MMUT: variants seen among roughly 807,000 people sequenced by gnomAD.
The protein encoded by MMUT is methylmalonyl-CoA mutase, also known as methylmalonyl-CoA mutase, mitochondrial.
MMUT carries 79 observed loss-of-function variants against 79.9 expected under a neutral mutation model. The observed-to-expected ratio is 0.99, with a 90% CI of 0.82 to 1.19. The LOEUF (loss-of-function observed/expected upper bound fraction) is 1.19. Ranked by LOEUF, MMUT falls within the 50% of genes most tolerant of loss-of-function variation. The probability of loss-of-function intolerance (pLI) is 0.00; values close to 1 mark genes in which losing one functional copy is unlikely to be tolerated. For missense variants in MMUT, 860 were observed against 917.2 expected, an observed-to-expected ratio of 0.94 and a Z score of 0.81; for synonymous variants, 273 against 295.7, an observed-to-expected ratio of 0.92 and a Z score of 0.79.
At chr6:49,448,498 G>T (rs1767465905) in intron 7 of MMUT, among the ~76,000 whole-genome samples, 1 of 151,938 alleles carries the variant, frequency 6.6e-6, no homozygotes. Flanking sequence ...AGTATTCATT[G>T]AATGAATGAA....
At chr6:49,439,229 C>G (rs1476085664) in intron 11 of MMUT, among the ~76,000 whole-genome samples, 2 of 152,088 alleles carry the variant, frequency 1.3e-5, no homozygotes, top group African/African-American at 4.8e-5. Flanking sequence ...CAGTTCTGGT[C>G]GCATGGTGAC....
At chr6:49,451,793 C>T (rs914705965) in intron 5 of MMUT, 79 bp from the exon 6 acceptor site, 1 of 1,374,704 alleles carries the variant, frequency 7.3e-7, no homozygotes, top group Non-Finnish European at 1.0e-6. Context: ...CATGATTAAA[C>T]AGCAACTGCT....
chr6:49,453,436 C>T, intron 5 of MMUT, 149 bp downstream of exon 5: 1 of 326,880 alleles, frequency 3.1e-6, no homozygotes, highest in Non-Finnish European at 5.4e-6. Flanking sequence ...TAATTACAAA[C>T]CTAAGTATAC....
At chr6:49,448,165 C>CA (rs919759003) in intron 7 of MMUT, among the ~76,000 whole-genome samples, 1 of 151,486 alleles carries the variant, frequency 6.6e-6, no homozygotes, top group African/African-American at 2.4e-5. Flanking sequence ...CACTTTTAAA[C>CA]AAAAAAAGAA....
chr6:49,460,445 G>C (rs1395659644), intron 1 of MMUT, among the ~76,000 whole-genome samples: 3 of 152,194 alleles, frequency 2.0e-5, no homozygotes, highest in African/African-American at 4.8e-5. Context: ...TTCTGTGCTA[G>C]TTTATAAACT....
At chr6:49,432,480 C>T (rs568207118) in intron 12 of MMUT, among the ~76,000 whole-genome samples, 84 of 152,120 alleles carry the variant, frequency 5.5e-4, no homozygotes, top group African/African-American at 1.7e-3. Flanking sequence ...CTCCGCCTCC[C>T]GGGTTCACGC....
intron 9 of MMUT, among the ~76,000 whole-genome samples, chr6:49,442,484 T>A (rs530791832): frequency 1.3e-4 from 20 of 152,210 alleles, no homozygotes; most frequent in Admixed American, 5.2e-4. Flanking sequence ...GACATTAACA[T>A]CTGTAACATC....
intron 7 of MMUT, among the ~76,000 whole-genome samples, chr6:49,448,097 A>C (rs1350966703): frequency 2.6e-5 from 4 of 152,028 alleles, no homozygotes; most frequent in African/African-American, 9.7e-5. Context: ...TCTAAGATTT[A>C]TAAGGTAGAG....
At chr6:49,449,238 T>C (rs1767489802) in intron 6 of MMUT, among the ~76,000 whole-genome samples, 1 of 152,124 alleles carries the variant, frequency 6.6e-6, no homozygotes, top group South Asian at 2.1e-4. Flanking sequence ...CATAATTACA[T>C]AAAGTCTGTA....
chr6:49,443,309 G>A (rs900215907), intron 9 of MMUT, among the ~76,000 whole-genome samples: 1 of 152,120 alleles, frequency 6.6e-6, no homozygotes, highest in African/African-American at 2.4e-5. Context: ...TGGAGGACAT[G>A]CTTATTACCC....
chr6:49,459,376 G>T lies in MMUT; in HGVS notation c.91C>A (p.Arg31=). 1.2e-6 allele frequency: 2 copies of T among 1,613,748 alleles called. No individual in the cohort carries two copies. The highest frequency in any genetic ancestry group is 1.7e-6 in the Non-Finnish European group (2 of 1,179,956). ...AGGGGCTGTTGCTGGTGTAGAAGTC[G>T]TTGCTGTATGAGCCTGGAGCCTGAT... ...ESSGSRLIQQ[R]LLHQQQPLHP... The change falls in exon 2 of 13, where the codon CGA becomes AGA. Residue 31 remains arginine (R), a synonymous_variant. Coordinates refer to ENST00000274813, the MANE Select transcript of MMUT (RefSeq NM_000255.4).
chr6:49,461,562 G>A (rs1383707406), intron 1 of MMUT, among the ~76,000 whole-genome samples: 1 of 150,298 alleles, frequency 6.7e-6, no homozygotes, highest in Non-Finnish European at 1.5e-5. Context: ...TGAGGTCAGG[G>A]GTTCAAGACC....
intron 8 of MMUT, among the ~76,000 whole-genome samples, chr6:49,447,391 G>C (rs1767435018): frequency 6.6e-6 from 1 of 151,638 alleles, no homozygotes; most frequent in African/African-American, 2.4e-5. Flanking sequence ...ATTGTAGTGT[G>C]GTTTTTAATA....
At chr6:49,444,825 C>G in intron 8 of MMUT, 71 bp from the exon 9 acceptor site, 1 of 1,197,894 alleles carries the variant, frequency 8.3e-7, no homozygotes, top group African/African-American at 1.5e-5. Context: ...GAGATTAGAC[C>G]CTGATGCATA....
At chr6:49,462,651 T>A (rs1767884252) in intron 1 of MMUT, among the ~76,000 whole-genome samples, 1 of 152,168 alleles carries the variant, frequency 6.6e-6, no homozygotes, top group Admixed American at 6.5e-5. Context: ...ACACTCTTAA[T>A]CCTGTTTACA....
chr6:49,458,132 A>G, intron 2 of MMUT, 74 bp from the exon 3 acceptor site: 1 of 1,445,140 alleles, frequency 6.9e-7, no homozygotes, highest in Non-Finnish European at 9.5e-7. Flanking sequence ...TTTTAACACT[A>G]CTAAAAATGT....
chr6:49,441,664 A>T (rs1487967679), intron 10 of MMUT, among the ~76,000 whole-genome samples, 176 bp downstream of exon 10: 1 of 148,698 alleles, frequency 6.7e-6, no homozygotes, highest in Non-Finnish European at 1.5e-5. Flanking sequence ...TGAATAAATT[A>T]TATACTCTAT....
chr6:49,453,039 G>GTTTTTTTTTTTTTTTTTTTTTTGT, intron 5 of MMUT, among the ~76,000 whole-genome samples: 1 of 116,206 alleles, frequency 8.6e-6, no homozygotes, highest in South Asian at 2.9e-4. Flanking sequence ...TTCTTTCTTT[G>GTTTTTTTTTTTTTTTTTTTTTTGT]TTTTTTTTTT....
intron 1 of MMUT, among the ~76,000 whole-genome samples, chr6:49,462,371 T>G (rs967970839): frequency 5.9e-5 from 9 of 152,204 alleles, no homozygotes; most frequent in Non-Finnish European, 7.3e-5. Context: ...AGAAGGTACT[T>G]TGATGTTCAA....
Sources: allele counts gnomAD v4.1 joint callset (sites outside exome capture counted in the v4.1 genomes callset), GRCh38; gene constraint gnomAD v4.1.1; transcripts MANE v1.5; gene names NCBI Gene and HGNC (gene_info 2026-07-23, HGNC 2026-07-21).